The following NHSL1 variants were observed in gnomAD, a reference collection of about 807,000 sequenced individuals.
NHSL1 encodes NHS-like protein 1.
In NHSL1, 48 loss-of-function variants were observed where a neutral mutation model predicts 95.0. The observed-to-expected ratio is 0.51, with a 90% CI of 0.40 to 0.64. The LOEUF (loss-of-function observed/expected upper bound fraction) is 0.64, where lower values mean the gene tolerates loss of function less well. Among genes scored for constraint, NHSL1 ranks in the 30% least tolerant of loss-of-function variants. The probability of loss-of-function intolerance (pLI) is 0.00; values close to 1 mark genes in which losing one functional copy is unlikely to be tolerated. For synonymous variants in NHSL1, 783 were observed against 833.9 expected (o/e 0.94, Z 1.05); for missense variants, 1,971 against 2,077.7 (o/e 0.95, Z 1.00).
At chr6:138,658,328 C>G (rs1016576995) in intron 1 of NHSL1, among the ~76,000 whole-genome samples, 1 of 152,122 alleles carries the variant, frequency 6.6e-6, no homozygotes, top group Non-Finnish European at 1.5e-5. Flanking sequence ...ACTGTATACC[C>G]TTTGACCAAC....
At chr6:138,634,768 A>G (rs1255927366) in intron 1 of NHSL1, among the ~76,000 whole-genome samples, 1 of 152,178 alleles carries the variant, frequency 6.6e-6, no homozygotes, top group Admixed American at 6.5e-5. Context: ...CGCATGGATC[A>G]TACTCAAGGA....
In NHSL1 at chr6:138,580,319, T is replaced by G. The variant is rs563445135; in HGVS notation, c.97-83948A>C. On this transcript the variant is annotated intron_variant, in intron 1 of 3. Transcript: ENST00000491526. ...TAAAATGTGTTGTAGGAGACAGATA[T>G]GCACAGTTACTTTCAACATACTGCA... 5.3e-5 allele frequency among the ~76,000 whole-genome samples: 8 copies of G among 152,278 alleles called. 1 individual carries two copies. Among genetic ancestry groups the G allele is most frequent in the African/African-American group, 1.4e-4 (6 of 41,550 alleles).
chr6:138,568,260 AC>A (rs1392650852), intron 1 of NHSL1, among the ~76,000 whole-genome samples: 2 of 151,750 alleles, frequency 1.3e-5, no homozygotes, highest in Non-Finnish European at 2.9e-5. Context: ...TTTCTCTTTA[AC>A]CCCCCTGCTT....
chr6:138,678,957 C>T (rs1036946482), intron 1 of NHSL1, among the ~76,000 whole-genome samples: 1 of 152,114 alleles, frequency 6.6e-6, no homozygotes, highest in African/African-American at 2.4e-5. Flanking sequence ...CATTTCACAC[C>T]TTCATCGCCT....
chr6:138,537,312 G>A (rs912214421), intron 1 of NHSL1, among the ~76,000 whole-genome samples: 3 of 152,168 alleles, frequency 2.0e-5, no homozygotes, highest in African/African-American at 4.8e-5. Context: ...TTGCTACCAC[G>A]CTCCTTTGCC....
At chr6:138,538,944 C>T (rs139218720) in intron 1 of NHSL1, among the ~76,000 whole-genome samples, 34 of 152,204 alleles carry the variant, frequency 2.2e-4, no homozygotes, top group African/African-American at 7.9e-4. Context: ...ATCATGCACC[C>T]CCTCCCCCAA....
chr6:138,485,183 C>T lies in NHSL1; in HGVS notation c.211+11036G>A, dbSNP rs79949292. ...GATTCTAAGCCAACACGGGAGACTT[C>T]GGTTGTATCGTGAATGATAACAAAC... On this transcript the variant is annotated intron_variant, in intron 2 of 7. Transcript: ENST00000343505. 2.5e-3 allele frequency among the ~76,000 whole-genome samples: 373 copies of T among 152,222 alleles called. 3 individuals are homozygous for T. Among genetic ancestry groups the T allele is most frequent in the African/African-American group, 8.5e-3 (353 of 41,546 alleles).
At chr6:138,693,016 G>A (rs537996668), upstream of NHSL1, among the ~76,000 whole-genome samples, 1 of 151,322 alleles carries the variant, frequency 6.6e-6, no homozygotes, top group East Asian at 2.0e-4. The surrounding 1 kb of genome is among the most constrained non-coding windows in gnomAD (Gnocchi z 4.3). Context: ...GCGCCCGGCG[G>A]CGTTCCTCCA....
intron 3 of NHSL1, among the ~76,000 whole-genome samples, chr6:138,453,118 G>GCA (rs1777348429): frequency 6.6e-6 from 1 of 150,978 alleles, no homozygotes; most frequent in African/African-American, 2.4e-5. Context: ...GGGATTACAG[G>GCA]CACGTGCCAC....
chr6:138,482,031 A>G (rs1417244948), intron 2 of NHSL1, among the ~76,000 whole-genome samples: 2 of 152,246 alleles, frequency 1.3e-5, no homozygotes, highest in Non-Finnish European at 2.9e-5. Flanking sequence ...GTAATAGAGT[A>G]CAATGTGCTT....
intron 1 of NHSL1, among the ~76,000 whole-genome samples, chr6:138,681,609 C>T (rs1255937451): frequency 6.6e-6 from 1 of 152,198 alleles, no homozygotes; most frequent in African/African-American, 2.4e-5. Context: ...AGCAGCAAGA[C>T]CATCAGCTGA....
chr6:138,495,191 C>T (rs143110056), intron 2 of NHSL1, among the ~76,000 whole-genome samples: 41 of 151,780 alleles, frequency 2.7e-4, no homozygotes, highest in African/African-American at 7.0e-4. Flanking sequence ...TGCAGTGAGC[C>T]GAGATCACAC....
chr6:138,610,573 T>A (rs1324640876), intron 1 of NHSL1, among the ~76,000 whole-genome samples: 3 of 147,342 alleles, frequency 2.0e-5, no homozygotes, highest in Non-Finnish European at 3.0e-5. Context: ...TATATATATA[T>A]AAAAAGAAAA....
intron 1 of NHSL1, among the ~76,000 whole-genome samples, chr6:138,638,648 C>T (rs1784919898): frequency 6.6e-6 from 1 of 152,232 alleles, no homozygotes. Context: ...TTGAAAGCTT[C>T]GATTATTCAA....
At chr6:138,655,606 A>G (rs916820396) in intron 1 of NHSL1, among the ~76,000 whole-genome samples, 1 of 152,240 alleles carries the variant, frequency 6.6e-6, no homozygotes, top group African/African-American at 2.4e-5. Context: ...ATTCAACAGC[A>G]ATAGTTGAAA....
At chr6:138,502,081 G>A (rs1780713065), upstream of NHSL1, among the ~76,000 whole-genome samples, 1 of 152,088 alleles carries the variant, frequency 6.6e-6, no homozygotes, top group African/African-American at 2.4e-5. Flanking sequence ...TAAACCTGGG[G>A]GAGAATGCAG....
At chr6:138,514,496 G>A (rs1056090291) in intron 1 of NHSL1, among the ~76,000 whole-genome samples, 2 of 152,052 alleles carry the variant, frequency 1.3e-5, no homozygotes, top group African/African-American at 2.4e-5. Flanking sequence ...ACATATCCAC[G>A]ATAAAGTTTC....
intron 5 of NHSL1, among the ~76,000 whole-genome samples, chr6:138,437,341 T>C (rs60650841): frequency 0.011 from 262 of 24,618 alleles, 10 homozygotes; most frequent in African/African-American, 0.034. Context: ...TATATATATA[T>C]ACACATATAT....
At chr6:138,469,536 C>A (rs1325755319) in intron 3 of NHSL1, among the ~76,000 whole-genome samples, 2 of 152,102 alleles carry the variant, frequency 1.3e-5, no homozygotes, top group African/African-American at 2.4e-5. Flanking sequence ...CCAGCCTGGG[C>A]AACATGGCAA....
Sources: gnomAD v4.1 joint callset for allele counts (sites outside exome capture counted in the v4.1 genomes callset) on GRCh38, gnomAD v4.1.1 for gene constraint, Gnocchi (gnomAD v3.1) non-coding constraint, MANE v1.5 for transcripts, NCBI Gene and HGNC (gene_info 2026-07-23, HGNC 2026-07-21) for gene names.